The following KLK5 variants were observed in gnomAD, a reference collection of about 807,000 sequenced individuals.
KLK5 encodes the protein kallikrein-5.
A neutral mutation model predicts 24.0 loss-of-function variants in KLK5; 18 were observed. The ratio of observed to expected loss-of-function variants is 0.75; its 90% CI spans 0.52 to 1.11. The LOEUF is 1.11. KLK5 is among the 50% of genes most tolerant of loss of function. The probability of loss-of-function intolerance (pLI) is 0.00; values close to 1 mark genes in which losing one functional copy is unlikely to be tolerated. For missense variants in KLK5, 374 were observed against 379.2 expected (o/e 0.99, Z 0.11); for synonymous variants, 140 against 154.0 (o/e 0.91, Z 0.67).
Position 50,949,945 on chromosome 19 carries a change from G to A in KLK5, c.245C>T (p.Ala82Val). The change falls in exon 3 of 6, where the codon GCC becomes GTC. Residue 82 changes from alanine to valine, a missense_variant. By Grantham distance (64) the Ala-to-Val change is moderately conservative. Transcript: ENST00000336334. ...CTGGTTGGGCCTTAGCAACAGCGCG[G>A]CCTGCCACGGCTGGGTGTGCATATC... is the stretch of plus-strand genomic sequence containing the variant. The part of the protein sequence containing the change: ...DCDMHTQPWQ[A>V]ALLLRPNQLY... 6.2e-7 allele frequency: 1 copy of A among 1,613,686 alleles called. No individual in the cohort carries two copies. The highest frequency in any genetic ancestry group is 8.5e-7 in the Non-Finnish European group (1 of 1,179,976).
At chr19:50,944,450 C>A (rs576957072) in intron 5 of KLK5, among the ~76,000 whole-genome samples, 1 of 152,262 alleles carries the variant, frequency 6.6e-6, no homozygotes, top group African/African-American at 2.4e-5. Context: ...CTGTTCCAGC[C>A]TGTCTCCCTC....
chr19:50,947,839 C>T lies in KLK5; in HGVS notation c.726+801G>A, dbSNP rs1202387951. Among the ~76,000 whole-genome samples the T allele has an allele frequency of 6.6e-6, 1 of 152,150 alleles. No homozygotes were observed. The highest frequency in any genetic ancestry group is 1.5e-5 in the Non-Finnish European group (1 of 68,030). On this transcript the variant is annotated intron_variant, in intron 5 of 5. Coordinates refer to ENST00000336334, the MANE Select transcript of KLK5 (RefSeq NM_012427.5). This position sits in a 1 kb window ranked among gnomAD's most constrained non-coding sequence, Gnocchi z 8.7. ...ATCTTTATGCAGTGCACAACCTGCC[C>T]AACCATACAAAACAGCCCTGATCTT...
Position 50,953,011 on chromosome 19 carries a change from T to A in KLK5, c.-276A>T. 5.1e-6 allele frequency: 1 copy of A among 196,524 alleles called. No individual in the cohort carries two copies. The highest frequency in any genetic ancestry group is 1.0e-5 in the Non-Finnish European group (1 of 97,394). The allele number at this position is 196,524 out of a possible 1,614,324, so 12.2% of individuals were successfully genotyped here. On this transcript the variant is annotated 5_prime_UTR_variant, in exon 1 of 6. Transcript: ENST00000336334. The stretch of plus-strand genomic sequence containing the variant: ...AGCTCAGCCGCAGACTTCTCAGGCC[T>A]GTGCCTTCCTGGCCACTGCCTCCTC...
At position 50,947,447 on chromosome 19, in the gene KLK5, C is replaced by T. The variant is rs554711443; in HGVS notation, c.726+1193G>A. Among the ~76,000 whole-genome samples the T allele has an allele frequency of 2.0e-5, 3 of 152,280 alleles. No homozygotes were observed. The highest frequency in any genetic ancestry group is 7.2e-5 in the African/African-American group (3 of 41,558). On this transcript the variant is annotated intron_variant, in intron 5 of 5. Transcript: ENST00000336334. This position sits in a 1 kb window ranked among gnomAD's most constrained non-coding sequence, Gnocchi z 8.7. ...AATGCCACCTCTCCAAGGAGGCTCC[C>T]CTGACCACCTTTTTGAATATTGGCC...
chr19:50,952,095 A>C (rs1177891059), intron 2 of KLK5, among the ~76,000 whole-genome samples: 2 of 152,096 alleles, frequency 1.3e-5, no homozygotes, highest in East Asian at 3.9e-4. Flanking sequence ...CCACAATCAC[A>C]TAATCGCCTG....
At position 50,947,299 on chromosome 19, in the gene KLK5, T is replaced by C. The variant is rs750516304; in HGVS notation, c.726+1341A>G. On this transcript the variant is annotated intron_variant, in intron 5 of 5. Coordinates refer to ENST00000336334, the MANE Select transcript of KLK5 (RefSeq NM_012427.5). The surrounding 1 kb of genome is among the most constrained non-coding windows in gnomAD (Gnocchi z 8.7). ...CCCCCACTTTTGTTCTCCAGTTGCA[T>C]TGGTTTCCTCTTCTTCTTTGAATCA... is the stretch of plus-strand genomic sequence containing the variant. Among the ~76,000 whole-genome samples, 3 of 152,208 alleles carry C rather than the reference T, an allele frequency of 2.0e-5. No individual in the cohort carries two copies. Among genetic ancestry groups the C allele is most frequent in the East Asian group, 1.9e-4 (1 of 5,188 alleles).
In KLK5 at chr19:50,951,834, C is replaced by A. The variant is rs533262960; in HGVS notation, c.73+751G>T. 9.2e-5 allele frequency among the ~76,000 whole-genome samples: 14 copies of A among 152,286 alleles called. No individual in the cohort carries two copies. The South Asian group carries it at 2.9e-3, about 32-fold the overall frequency. On this transcript the variant is annotated intron_variant, in intron 2 of 5. Transcript: ENST00000336334. ...GTGTGCACAGATGTTCAGACTGCCA[C>A]ATACTCTTCTGCACACAGGCACACA...
At chr19:50,945,092 CCCTT>C (rs2090620719) in intron 5 of KLK5, among the ~76,000 whole-genome samples, 1 of 147,324 alleles carries the variant, frequency 6.8e-6, no homozygotes, top group African/African-American at 2.5e-5. Context: ...TCTCCTTCCT[CCCTT>C]CGTCTCTTTT....
intron 2 of KLK5, among the ~76,000 whole-genome samples, chr19:50,952,305 GCACACACAATCACAAAAC>G (rs1271953265): frequency 6.6e-6 from 1 of 151,970 alleles, no homozygotes; most frequent in African/African-American, 2.4e-5. Context: ...AATCTTAAAT[GCACACACAATCACAAAAC>G]CACACACACA....
chr19:50,952,184 C>A (rs536328226), intron 2 of KLK5, among the ~76,000 whole-genome samples: 3 of 48,344 alleles, frequency 6.2e-5, no homozygotes, highest in South Asian at 7.2e-4. Flanking sequence ...GGGACAGGAA[C>A]TGCAGATACC....
chr19:50,951,563 C>G (rs571803410), intron 2 of KLK5, among the ~76,000 whole-genome samples: 2 of 152,188 alleles, frequency 1.3e-5, no homozygotes. Flanking sequence ...TGAGCCACCG[C>G]GCCCGGCCTG....
At chr19:50,949,167 C>T in intron 3 of KLK5, 52 bp from the exon 4 acceptor site, 1 of 1,570,736 alleles carries the variant, frequency 6.4e-7, no homozygotes, top group Non-Finnish European at 8.6e-7. Context: ...TCTCCACGTC[C>T]AACGCCAATC....
chr19:50,949,791 A>AAATCCC, intron 3 of KLK5, 64 bp downstream of exon 3: 1 of 71,650 alleles, frequency 1.4e-5, no homozygotes, highest in Non-Finnish European at 2.4e-5. Context: ...CCCCACCCCC[A>AAATCCC]CTTCCCCACC....
intron 2 of KLK5, chr19:50,950,331 G>T (rs1436114294): frequency 2.0e-5 from 12 of 592,614 alleles, no homozygotes; most frequent in Admixed American, 1.2e-4. Flanking sequence ...ACTCTAACTG[G>T]ACCTCACAGA....
At chr19:50,946,735 GT>G (rs1232694827) in intron 5 of KLK5, among the ~76,000 whole-genome samples, 3 of 151,666 alleles carry the variant, frequency 2.0e-5, no homozygotes, top group African/African-American at 7.3e-5. Flanking sequence ...AATTTTTTGT[GT>G]TTTTAGTAGA....
intron 5 of KLK5, among the ~76,000 whole-genome samples, chr19:50,945,828 G>T (rs900373922): frequency 1.1e-5 from 1 of 90,246 alleles, no homozygotes; most frequent in African/African-American, 4.0e-5. Context: ...AAATAAATAT[G>T]TACATACTAC....
rs372684061 is a variant in KLK5, at chr19:50,945,929, T to C, written c.727-2143A>G. ...TAATTTTTAGTTGCCCAGGCTGGTCTTGAACTCCTGAGCTCAAGTGATCTT... is the reference window on the plus strand; with the variant it reads ...TAATTTTTAGTTGCCCAGGCTGGTCCTGAACTCCTGAGCTCAAGTGATCTT... On this transcript the variant is annotated intron_variant, in intron 5 of 5. Coordinates refer to ENST00000336334, the MANE Select transcript of KLK5 (RefSeq NM_012427.5). Among the ~76,000 whole-genome samples, 28 of 152,390 alleles carry C rather than the reference T, an allele frequency of 1.8e-4. No individual in the cohort carries two copies. In the East Asian group the frequency reaches 3.1e-3, roughly 17 times the overall value.
Position 50,952,736 on chromosome 19 carries a change from C to T in KLK5, c.-12+11G>A, listed in dbSNP as rs998089214. On this transcript the variant is annotated intron_variant, in intron 1 of 5. Coordinates refer to ENST00000336334, the MANE Select transcript of KLK5 (RefSeq NM_012427.5). The stretch of plus-strand genomic sequence containing the variant: ...GGGGAGCCCTTAACCCACTTCCCCT[C>T]CCTCCCCTACCTTATTTCCCCAGGT... The T allele has an allele frequency of 1.9e-6, 2 of 1,041,268 alleles. No individual in the cohort carries two copies. Among genetic ancestry groups the T allele is most frequent in the African/African-American group, 3.3e-5 (2 of 61,482 alleles). The allele number at this position is 1,041,268 out of a possible 1,614,324, so 64.5% of individuals were successfully genotyped here.
chr19:50,950,890 C>G (rs1446340467), intron 2 of KLK5, among the ~76,000 whole-genome samples: 1 of 99,994 alleles, frequency 1.0e-5, no homozygotes, highest in Admixed American at 1.2e-4. Context: ...AGACTGTCTC[C>G]AAAAAAAAAA....
Sources: allele counts gnomAD v4.1 joint callset (sites outside exome capture counted in the v4.1 genomes callset), GRCh38; gene constraint gnomAD v4.1.1; non-coding constraint Gnocchi (gnomAD v3.1); transcripts MANE v1.5; gene names NCBI Gene and HGNC (gene_info 2026-07-23, HGNC 2026-07-21).